The following PINX1 variants were observed in gnomAD, a reference collection of about 807,000 sequenced individuals.
The protein encoded by PINX1 is PIN2 (TERF1) interacting telomerase inhibitor 1.
PINX1 carries 34 observed loss-of-function variants against 25.4 expected under a neutral mutation model. The ratio of observed to expected loss-of-function variants is 1.34; its 90% CI spans 1.02 to 1.78. PINX1 has a LOEUF of 1.78. Ranked by LOEUF, PINX1 falls within the 40% of genes most tolerant of loss-of-function variation. The pLI is 0.00. For synonymous variants in PINX1, 197 were observed against 147.7 expected (o/e 1.33, Z -2.42); for missense variants, 592 against 404.9 (o/e 1.46, Z -3.97).
At chr8:10,811,725 C>T (rs1797527542) in intron 6 of PINX1, among the ~76,000 whole-genome samples, 1 of 152,166 alleles carries the variant, frequency 6.6e-6, no homozygotes, top group Non-Finnish European at 1.5e-5. Context: ...CGGGGGCTTG[C>T]CTGGGCACCG....
chr8:10,826,192 T>G lies in PINX1; in HGVS notation c.354A>C (p.Lys118Asn), dbSNP rs1269029484. The G allele has an allele frequency of 6.3e-7, 1 of 1,599,056 alleles. No homozygotes were observed. Among genetic ancestry groups the G allele is most frequent in the Admixed American group, 1.7e-5 (1 of 59,214 alleles). Residue 118 changes from lysine to asparagine, a missense_variant, in exon 5 of 7, where the codon AAA becomes AAC. By Grantham distance (94) the Lys-to-Asn change is moderately conservative. Transcript: ENST00000314787. ...TATAGTGAACACGGTTTTTGGAGAT[T>G]TTGGACTTTTCCTCAAGGCTAAAAG... ...KKSFSLEEKS[K>N]ISKNRVHYMK...
At position 10,834,444 on chromosome 8, in the gene PINX1, T is replaced by G; in HGVS notation, c.129+222A>C. 9.9e-6 allele frequency: 6 copies of G among 604,424 alleles called. No individual in the cohort carries two copies. In the East Asian group the frequency reaches 1.8e-4, roughly 19 times the overall value. The allele number at this position is 604,424 out of a possible 1,614,324, so 37.4% of individuals were successfully genotyped here. ...AAAAGCGTGTAGCCTAGTTGCAATG[T>G]CTATGAAAGATGCTAAGCATGGCAG... On this transcript the variant is annotated intron_variant, in intron 2 of 6. Coordinates refer to ENST00000314787, the MANE Select transcript of PINX1 (RefSeq NM_017884.6).
chr8:10,801,876 C>T lies in PINX1; in HGVS notation c.471+18317G>A, dbSNP rs115565188. Among the ~76,000 whole-genome samples, 698 of 152,294 alleles carry T rather than the reference C, an allele frequency of 4.6e-3. 3 individuals carry two copies. Among genetic ancestry groups the T allele is most frequent in the African/African-American group, 0.016 (666 of 41,556 alleles). On this transcript the variant is annotated intron_variant, in intron 6 of 6. Transcript: ENST00000314787. Reference sequence around the variant, plus strand: ...AACCTCCATCGCTGACCACGGGTATCGTCCTGGCCCCATGAGAGAGCTTGT... The same window carrying T: ...AACCTCCATCGCTGACCACGGGTATTGTCCTGGCCCCATGAGAGAGCTTGT...
At chr8:10,826,287 C>A in intron 4 of PINX1, 43 bp from the exon 5 acceptor site, 1 of 1,095,084 alleles carries the variant, frequency 9.1e-7, no homozygotes, top group Non-Finnish European at 1.3e-6. Flanking sequence ...CTTTCTAATC[C>A]AATCTCATTT....
At chr8:10,828,557 C>T (rs780884012) in intron 4 of PINX1, among the ~76,000 whole-genome samples, 7 of 152,194 alleles carry the variant, frequency 4.6e-5, no homozygotes, top group African/African-American at 1.7e-4. Context: ...TGAAGCACCA[C>T]GCCGTGCCCT....
intron 6 of PINX1, among the ~76,000 whole-genome samples, chr8:10,790,956 C>T (rs949677629): frequency 6.6e-6 from 1 of 152,114 alleles, no homozygotes; most frequent in Non-Finnish European, 1.5e-5. Flanking sequence ...ACCGTTGCCT[C>T]GGCTGGAGTA....
intron 5 of PINX1, among the ~76,000 whole-genome samples, chr8:10,824,080 C>T (rs1421995051): frequency 6.6e-6 from 1 of 151,718 alleles, no homozygotes; most frequent in Admixed American, 6.6e-5. Flanking sequence ...ATCTACAATG[C>T]TGAAAAAGCA....
chr8:10,819,757 G>A (rs1237336277), intron 6 of PINX1, among the ~76,000 whole-genome samples: 1 of 152,200 alleles, frequency 6.6e-6, no homozygotes, highest in African/African-American at 2.4e-5. Context: ...CTCAAATGCT[G>A]TTAGAATGGG....
At chr8:10,778,177 G>A (rs1462771714) in intron 6 of PINX1, among the ~76,000 whole-genome samples, 1 of 152,058 alleles carries the variant, frequency 6.6e-6, no homozygotes, top group African/African-American at 2.4e-5. Context: ...ACTAAGCAGG[G>A]AAATTTTAAC....
chr8:10,789,986 G>A (rs1370945187), intron 6 of PINX1, among the ~76,000 whole-genome samples: 1 of 152,196 alleles, frequency 6.6e-6, no homozygotes, highest in Non-Finnish European at 1.5e-5. Flanking sequence ...AGGGCAGAGT[G>A]CTCTCTCTGT....
intron 6 of PINX1, among the ~76,000 whole-genome samples, chr8:10,815,901 G>T (rs1472912572): frequency 6.6e-6 from 1 of 152,214 alleles, no homozygotes; most frequent in East Asian, 1.9e-4. Flanking sequence ...AGTGCAGGAA[G>T]TAGATCATGG....
chr8:10,801,027 A>T (rs1461785892), intron 6 of PINX1, among the ~76,000 whole-genome samples: 5 of 152,224 alleles, frequency 3.3e-5, no homozygotes, highest in African/African-American at 1.2e-4. Context: ...TTTTCTTAAT[A>T]GATGGATAAT....
intron 6 of PINX1, among the ~76,000 whole-genome samples, chr8:10,790,370 G>C (rs562008162): frequency 6.6e-6 from 1 of 152,298 alleles, no homozygotes; most frequent in East Asian, 1.9e-4. Context: ...ACAGCATCAG[G>C]TCAGATGTGG....
intron 6 of PINX1, among the ~76,000 whole-genome samples, chr8:10,786,610 G>C (rs1346136565): frequency 6.6e-6 from 1 of 152,214 alleles, no homozygotes; most frequent in Non-Finnish European, 1.5e-5. Flanking sequence ...CCTGTGACTG[G>C]TCAATGCAGG....
intron 4 of PINX1, among the ~76,000 whole-genome samples, chr8:10,827,529 A>G (rs2129088222): frequency 1.3e-5 from 2 of 152,214 alleles, no homozygotes; most frequent in Non-Finnish European, 2.9e-5. Flanking sequence ...CAGACAGAAG[A>G]GTGCCACAGA....
chr8:10,839,516 C>T (rs902980820), intron 1 of PINX1, among the ~76,000 whole-genome samples: 12 of 152,300 alleles, frequency 7.9e-5, no homozygotes, highest in Admixed American at 7.2e-4. Context: ...ACGGCGTCTC[C>T]GGGAGACACT....
At chr8:10,776,795 C>T (rs1321520034) in intron 6 of PINX1, among the ~76,000 whole-genome samples, 1 of 152,230 alleles carries the variant, frequency 6.6e-6, no homozygotes, top group Non-Finnish European at 1.5e-5. Context: ...CTTCAGACTA[C>T]GGCTGGAGAC....
chr8:10,772,803 G>A lies in PINX1; in HGVS notation c.472-6887C>T, dbSNP rs371013217. 1.6e-4 allele frequency among the ~76,000 whole-genome samples: 25 copies of A among 152,340 alleles called. No individual in the cohort carries two copies. In the South Asian group the frequency reaches 4.6e-3, roughly 28 times the overall value. ...TGGAAAACACAGAAATTGTGTGTGC[G>A]TGCACATGTGAAACAGGTGTAAGAA... On this transcript the variant is annotated intron_variant, in intron 6 of 6. Transcript: ENST00000314787.
At position 10,834,678 on chromosome 8, in the gene PINX1, C is replaced by T; in HGVS notation, c.117G>A (p.Trp39Ter). 6.2e-7 allele frequency: 1 copy of T among 1,613,442 alleles called. No individual in the cohort carries two copies. Among genetic ancestry groups the T allele is most frequent in the Non-Finnish European group, 8.5e-7 (1 of 1,179,574 alleles). Residue 39 changes from tryptophan to a stop codon, truncating the protein, a stop_gained, in exon 2 of 7, where the codon TGG (tryptophan) becomes TGA (stop). Coordinates refer to ENST00000314787, the MANE Select transcript of PINX1 (RefSeq NM_017884.6). LOFTEE classifies it high-confidence loss of function. Reference sequence around the variant, plus strand: ...TTCTCCAAAATACCTTTCCTTTAGACCACCCCATCTTCTCTAGCATCCGCT... The same window carrying T: ...TTCTCCAAAATACCTTTCCTTTAGATCACCCCATCTTCTCTAGCATCCGCT... ...FGQRMLEKMGWSKGKGLGAQE... is the reference protein window; with the variant it reads ...FGQRMLEKMG
Sources: gnomAD v4.1 joint callset for allele counts (sites outside exome capture counted in the v4.1 genomes callset) on GRCh38, gnomAD v4.1.1 for gene constraint, MANE v1.5 for transcripts, NCBI Gene and HGNC (gene_info 2026-07-23, HGNC 2026-07-21) for gene names.